The following ANKRD36B variants were observed in gnomAD, a reference collection of about 807,000 sequenced individuals.
ANKRD36B encodes the protein ankyrin repeat domain-containing protein 36B.
Under a neutral mutation model 135.7 loss-of-function variants are expected in ANKRD36B, and 37 were observed. The observed-to-expected ratio is 0.27, with a 90% CI of 0.21 to 0.36. The LOEUF is 0.36. Among genes scored for constraint, ANKRD36B ranks in the 10% least tolerant of loss-of-function variants. The pLI is 1.00. For missense variants in ANKRD36B, 549 were observed against 1,037.1 expected, an observed-to-expected ratio of 0.53 and a Z score of 6.46; for synonymous variants, 179 against 348.1, an observed-to-expected ratio of 0.51 and a Z score of 5.41.
At position 97,553,455 on chromosome 2, in the gene ANKRD36B, G is replaced by A. The variant is rs186300634; in HGVS notation, c.1172-84C>T. On this transcript the variant is annotated intron_variant, in intron 14 of 43. Transcript: ENST00000359901. ...ATTCATGCGGTGTTAGCATCAAGCT[G>A]TATCCGCCTGCCTGTATTAGTGTAG... 3.2e-5 allele frequency: 46 copies of A among 1,448,902 alleles called. No homozygotes were observed. The African/African-American group carries it at 4.8e-4, about 15-fold the overall frequency. 89.8% of individuals were successfully genotyped at this position (1,448,902 alleles called of 1,614,324 possible).
intron 8 of ANKRD36B, 107 bp from the exon 9 acceptor site, chr2:97,559,101 T>G: frequency 6.8e-7 from 1 of 1,463,286 alleles, no homozygotes; most frequent in Non-Finnish European, 9.1e-7. Context: ...CCTGTACTAG[T>G]GTAGGCTTTG....
At chr2:97,496,307 A>T (rs1466754293) in intron 43 of ANKRD36B, among the ~76,000 whole-genome samples, 1 of 101,686 alleles carries the variant, frequency 9.8e-6, no homozygotes, top group Non-Finnish European at 2.8e-5. Flanking sequence ...AAGCTAGCAG[A>T]GGTTGGTTCA....
rs1261077826 is a variant in ANKRD36B, at chr2:97,532,555, T to C, written c.2192-171A>G. Among the ~76,000 whole-genome samples, 4 of 95,204 alleles carry C rather than the reference T, an allele frequency of 4.2e-5. 1 individual carries two copies. Among genetic ancestry groups the C allele is most frequent in the African/African-American group, 1.3e-4 (4 of 31,704 alleles). 62.5% of individuals were successfully genotyped at this position (95,204 alleles called of 152,430 possible). A position where few individuals can be genotyped will look rare whatever the true frequency, so the allele number is the denominator to read the frequency against. On this transcript the variant is annotated intron_variant, in intron 34 of 43. Transcript: ENST00000359901. ...GGCTAACAAGGTGAAACCTCGTCTC[T>C]ACTAAAAAATACAAAAAATTAACTG... is the stretch of plus-strand genomic sequence containing the variant.
At chr2:97,532,891 T>C (rs1356569328) in intron 34 of ANKRD36B, among the ~76,000 whole-genome samples, 2 of 95,956 alleles carry the variant, frequency 2.1e-5, no homozygotes, top group South Asian at 2.4e-4. Flanking sequence ...GTTCAAGCCA[T>C]GCAAACGTGG....
At chr2:97,546,972 A>G (rs992665614) in intron 22 of ANKRD36B, among the ~76,000 whole-genome samples, 14 of 151,658 alleles carry the variant, frequency 9.2e-5, no homozygotes, top group African/African-American at 3.4e-4. Flanking sequence ...AATAACTTTT[A>G]TGAAAATATT....
rs772416704 is a variant in ANKRD36B, at chr2:97,549,456, T to C, written c.1440A>G (p.Ile480Met). The change falls in exon 20 of 44, where the codon ATA (isoleucine) becomes ATG (methionine). Residue 480 changes from isoleucine (I) to methionine (M), a missense_variant. Physicochemically the swap from Ile to Met is conservative, Grantham distance 10 (BLOSUM62 1). Coordinates refer to ENST00000359901, the MANE Select transcript of ANKRD36B (RefSeq NM_001393939.1). ...TTTCTCCATCCTTTTTTTCTCTGGC[T>C]ATATTCAAAACAGAATCTTCCTTGA... ...TSVKEDSVLN[I>M]AREKKDGEKS... 3.2e-6 allele frequency: 5 copies of C among 1,586,968 alleles called. No individual in the cohort carries two copies. Among genetic ancestry groups the C allele is most frequent in the Non-Finnish European group, 4.3e-6 (5 of 1,166,312 alleles).
intron 6 of ANKRD36B, among the ~76,000 whole-genome samples, chr2:97,570,575 A>G (rs1329170139): frequency 6.6e-6 from 1 of 152,156 alleles, no homozygotes. Flanking sequence ...AACCTTGGAT[A>G]CTGTGTAAGT....
At chr2:97,558,290 A>G (rs1005235637) in intron 10 of ANKRD36B, among the ~76,000 whole-genome samples, 1 of 152,080 alleles carries the variant, frequency 6.6e-6, no homozygotes, top group African/African-American at 2.4e-5. Flanking sequence ...AGGTTTCCTC[A>G]GAAGAAACCC....
intron 24 of ANKRD36B, among the ~76,000 whole-genome samples, chr2:97,545,337 T>C (rs1386786757): frequency 2.1e-5 from 2 of 95,206 alleles, no homozygotes; most frequent in African/African-American, 6.3e-5. Flanking sequence ...ATATCTATTA[T>C]TTCATCTCTT....
At chr2:97,569,934 T>A (rs972770617) in intron 6 of ANKRD36B, among the ~76,000 whole-genome samples, 70 of 152,284 alleles carry the variant, frequency 4.6e-4, no homozygotes, top group Admixed American at 2.0e-3. Flanking sequence ...TTGATTTTTT[T>A]AATTTCATAA....
chr2:97,589,729 G>A lies in ANKRD36B; in HGVS notation c.-44C>T. 1.2e-6 allele frequency: 2 copies of A among 1,612,948 alleles called. No individual in the cohort carries two copies. Among genetic ancestry groups the A allele is most frequent in the Non-Finnish European group, 1.7e-6 (2 of 1,179,762 alleles). Reference sequence around the variant, plus strand: ...CCGCTCGTCGTCTTCCTTAATCGTCGGCTGCAAATTGTAGCCTGCAGCCGT... The same window carrying A: ...CCGCTCGTCGTCTTCCTTAATCGTCAGCTGCAAATTGTAGCCTGCAGCCGT... On this transcript the variant is annotated 5_prime_UTR_variant, in exon 1 of 44. Coordinates refer to ENST00000359901, the MANE Select transcript of ANKRD36B (RefSeq NM_001393939.1).
In ANKRD36B at chr2:97,530,353, T is replaced by C. The variant is rs1254863454; in HGVS notation, c.2265+1958A>G. Among the ~76,000 whole-genome samples the C allele has an allele frequency of 4.2e-5, 4 of 94,300 alleles. 2 individuals are homozygous for C. The highest frequency in any genetic ancestry group is 1.1e-4 in the Non-Finnish European group (4 of 35,712). 61.9% of individuals were successfully genotyped at this position (94,300 alleles called of 152,430 possible). On this transcript the variant is annotated intron_variant, in intron 35 of 43. Transcript: ENST00000359901. ...GTGCTGGGAAAACTGGCTAGCCATA[T>C]GTAGAACGCTGCAACTGGATCCCTT...
intron 6 of ANKRD36B, among the ~76,000 whole-genome samples, chr2:97,571,463 C>G (rs964158560): frequency 6.6e-6 from 1 of 152,008 alleles, no homozygotes; most frequent in Non-Finnish European, 1.5e-5. Flanking sequence ...CTGGCTAACA[C>G]AGTGAAACCG....
At position 97,521,665 on chromosome 2, in the gene ANKRD36B, T is replaced by C. The variant is rs1325165094; in HGVS notation, c.2407+1661A>G. ...CTGGGGTTTTAGAGCATTTCAGATTTGGGATATTTAAATCAGCAATGCTCA... is the reference window on the plus strand; with the variant it reads ...CTGGGGTTTTAGAGCATTTCAGATTCGGGATATTTAAATCAGCAATGCTCA... On this transcript the variant is annotated intron_variant, in intron 36 of 43. Transcript: ENST00000359901. 2.0e-5 allele frequency among the ~76,000 whole-genome samples: 2 copies of C among 98,516 alleles called. 1 individual carries two copies. Among genetic ancestry groups the C allele is most frequent in the Non-Finnish European group, 5.6e-5 (2 of 35,956 alleles). 64.6% of individuals were successfully genotyped at this position (98,516 alleles called of 152,430 possible). A position where few individuals can be genotyped will look rare whatever the true frequency, so the allele number is the denominator to read the frequency against.
Position 97,551,433 on chromosome 2 carries a change from T to C in ANKRD36B, c.1302+19A>G. The stretch of plus-strand genomic sequence containing the variant: ...GCTATACGTTTACTAGCTCACAATA[T>C]AAATGAGAGTTTCATTACCTTCAAG... On this transcript the variant is annotated intron_variant, in intron 17 of 43. Coordinates refer to ENST00000359901, the MANE Select transcript of ANKRD36B (RefSeq NM_001393939.1). The C allele has an allele frequency of 6.2e-7, 1 of 1,606,576 alleles. No individual in the cohort carries two copies. Among genetic ancestry groups the C allele is most frequent in the Non-Finnish European group, 8.5e-7 (1 of 1,178,792 alleles).
At position 97,571,100 on chromosome 2, in the gene ANKRD36B, A is replaced by C. The variant is rs182717456; in HGVS notation, c.763+5279T>G. Among the ~76,000 whole-genome samples the C allele has an allele frequency of 6.6e-3, 1,004 of 152,328 alleles. 51 individuals are homozygous for C. The East Asian group carries it at 0.11, about 16-fold the overall frequency. On this transcript the variant is annotated intron_variant, in intron 6 of 43. Transcript: ENST00000359901. ...TTTGAGAATATGGATGATTAAAAATATATCCCATAGTATGAAAGCTTCTAG... is the reference window on the plus strand; with the variant it reads ...TTTGAGAATATGGATGATTAAAAATCTATCCCATAGTATGAAAGCTTCTAG...
chr2:97,559,757 A>C (rs1455835377), intron 8 of ANKRD36B, among the ~76,000 whole-genome samples: 1 of 152,010 alleles, frequency 6.6e-6, no homozygotes. Context: ...ACATTCAGAA[A>C]TCACTCCAAT....
intron 22 of ANKRD36B, among the ~76,000 whole-genome samples, chr2:97,546,097 G>A (rs563517847): frequency 2.0e-5 from 3 of 151,694 alleles, no homozygotes; most frequent in East Asian, 1.9e-4. Flanking sequence ...GTCATATGTC[G>A]AAAACTAAAA....
At chr2:97,573,070 C>A (rs1026869340) in intron 6 of ANKRD36B, among the ~76,000 whole-genome samples, 2 of 152,044 alleles carry the variant, frequency 1.3e-5, no homozygotes, top group African/African-American at 2.4e-5. Context: ...CCACTCCCCC[C>A]ACCCCACAAC....
Sources: allele counts gnomAD v4.1 joint callset (sites outside exome capture counted in the v4.1 genomes callset), GRCh38; gene constraint gnomAD v4.1.1; transcripts MANE v1.5; gene names NCBI Gene and HGNC (gene_info 2026-07-23, HGNC 2026-07-21).